The following SORCS2 variants were observed in gnomAD, a reference collection of about 807,000 sequenced individuals.
SORCS2 encodes VPS10 domain-containing receptor SorCS2.
A neutral mutation model predicts 141.6 loss-of-function variants in SORCS2; 100 were observed. The ratio of observed to expected loss-of-function variants is 0.71; its 90% CI spans 0.60 to 0.83. SORCS2 has a LOEUF of 0.83. Among genes scored for constraint, SORCS2 ranks in the 40% least tolerant of loss-of-function variants. SORCS2 has a pLI of 0.00. For missense variants in SORCS2, 1,646 were observed against 1,560.2 expected (o/e 1.05, Z -0.93); for synonymous variants, 789 against 676.9 (o/e 1.17, Z -2.57).
intron 1 of SORCS2, among the ~76,000 whole-genome samples, chr4:7,367,292 G>A (rs1246265523): frequency 2.0e-5 from 3 of 152,194 alleles, no homozygotes; most frequent in Non-Finnish European, 2.9e-5. Flanking sequence ...CCAGAGAATG[G>A]TGACCCGGCA....
intron 2 of SORCS2, among the ~76,000 whole-genome samples, chr4:7,487,329 G>A (rs1731050293): frequency 6.6e-6 from 1 of 152,192 alleles, no homozygotes; most frequent in African/African-American, 2.4e-5. Flanking sequence ...ATCCTGAAGT[G>A]GGCTGTGTTA....
At chr4:7,576,960 G>T (rs75513166) in intron 3 of SORCS2, among the ~76,000 whole-genome samples, 1,713 of 152,318 alleles carry the variant, frequency 0.011, 14 homozygotes, top group Middle Eastern at 0.024. Flanking sequence ...AATGAGCAGG[G>T]TGGATATTCA....
chr4:7,499,829 G>A (rs577268693), intron 2 of SORCS2, among the ~76,000 whole-genome samples: 6 of 152,302 alleles, frequency 3.9e-5, no homozygotes, highest in African/African-American at 1.4e-4. Flanking sequence ...GCAAACAATC[G>A]GGGACCGAGC....
At position 7,233,673 on chromosome 4, in the gene SORCS2, C is replaced by T. The variant is rs116593643; in HGVS notation, c.480+40547C>T. Reference sequence around the variant, plus strand: ...CCCAGGTAATACTGGCCTGGTCCCCCGTCTGATGCTGCAGGGTGGACTTCT... The same window carrying T: ...CCCAGGTAATACTGGCCTGGTCCCCTGTCTGATGCTGCAGGGTGGACTTCT... On this transcript the variant is annotated intron_variant, in intron 1 of 26. Coordinates refer to ENST00000507866, the MANE Select transcript of SORCS2 (RefSeq NM_020777.3). This position sits in a 1 kb window ranked among gnomAD's most constrained non-coding sequence, Gnocchi z 4.5. 1.6e-3 allele frequency among the ~76,000 whole-genome samples: 245 copies of T among 152,274 alleles called. No individual in the cohort carries two copies. The highest frequency in any genetic ancestry group is 2.5e-3 in the Non-Finnish European group (171 of 68,022).
At chr4:7,735,749 C>T (rs960122911) in intron 25 of SORCS2, among the ~76,000 whole-genome samples, 10 of 152,170 alleles carry the variant, frequency 6.6e-5, no homozygotes, top group Admixed American at 2.6e-4. Context: ...GCATCTTCTT[C>T]CCCCAAAGCT....
intron 14 of SORCS2, 57 bp from the exon 15 acceptor site, chr4:7,712,676 T>C: frequency 3.7e-6 from 6 of 1,609,806 alleles, no homozygotes; most frequent in East Asian, 2.2e-5. Flanking sequence ...ATTTGCACAG[T>C]AGGACAAGGC....
rs141990776 is a variant in SORCS2, at chr4:7,333,898, A to C, written c.481-62390A>C. Among the ~76,000 whole-genome samples the C allele has an allele frequency of 5.3e-3, 805 of 152,266 alleles. 30 individuals are homozygous for C. The highest frequency in any genetic ancestry group is 0.042 in the Admixed American group (640 of 15,298). The stretch of plus-strand genomic sequence containing the variant: ...TCACAGTGGGAGCTGGCTGTTGACT[A>C]AGAAGGCAGGAAGAAGGCAGGGCTG... On this transcript the variant is annotated intron_variant, in intron 1 of 26. Transcript: ENST00000507866.
chr4:7,537,305 C>A (rs1267631865), intron 3 of SORCS2, among the ~76,000 whole-genome samples: 6 of 152,174 alleles, frequency 3.9e-5, no homozygotes, highest in Admixed American at 2.6e-4. Context: ...TCCTGGTCTC[C>A]CAGGGCGATC....
chr4:7,718,282 A>C (rs1291093526), intron 18 of SORCS2, 99 bp downstream of exon 18: 1 of 1,405,046 alleles, frequency 7.1e-7, no homozygotes, highest in Non-Finnish European at 9.6e-7. Flanking sequence ...CTCCACCTAG[A>C]AGTGGCTCAG....
chr4:7,535,642 G>A (rs544005348), intron 3 of SORCS2, among the ~76,000 whole-genome samples: 7 of 152,226 alleles, frequency 4.6e-5, no homozygotes, highest in South Asian at 2.1e-4. Flanking sequence ...GTGACCCACC[G>A]TTATCCTTAG....
At position 7,506,211 on chromosome 4, in the gene SORCS2, T is replaced by C. The variant is rs78142444; in HGVS notation, c.549-25319T>C. On this transcript the variant is annotated intron_variant, in intron 2 of 26. Transcript: ENST00000507866. ...AACAGCGCGTGAGAAAAGGAACTTCTTTTAGTCTGAGCGGGCCTCCTCTGC... is the reference window on the plus strand; with the variant it reads ...AACAGCGCGTGAGAAAAGGAACTTCCTTTAGTCTGAGCGGGCCTCCTCTGC... 5.3e-3 allele frequency among the ~76,000 whole-genome samples: 797 copies of C among 150,780 alleles called. 4 individuals carry two copies. The highest frequency in any genetic ancestry group is 0.019 in the African/African-American group (755 of 40,192).
At chr4:7,590,017 A>C (rs1420616589) in intron 3 of SORCS2, among the ~76,000 whole-genome samples, 2 of 152,148 alleles carry the variant, frequency 1.3e-5, no homozygotes, top group Non-Finnish European at 2.9e-5. Flanking sequence ...AAAGGGCTGG[A>C]GGATGCATTT....
At chr4:7,657,477 AGGT>A (rs2108906355) in intron 5 of SORCS2, among the ~76,000 whole-genome samples, 1 of 130,592 alleles carries the variant, frequency 7.7e-6, no homozygotes, top group African/African-American at 2.5e-5. Context: ...ATAAATGAGT[AGGT>A]GAGTCAATGA....
intron 3 of SORCS2, among the ~76,000 whole-genome samples, chr4:7,532,526 A>G (rs767433651): frequency 2.6e-5 from 4 of 152,246 alleles, no homozygotes; most frequent in Non-Finnish European, 5.9e-5. Flanking sequence ...GAGAATGTCC[A>G]TGAATCAACA....
At chr4:7,586,915 C>T (rs1007512210) in intron 3 of SORCS2, among the ~76,000 whole-genome samples, 2 of 152,090 alleles carry the variant, frequency 1.3e-5, no homozygotes, top group African/African-American at 4.8e-5. Flanking sequence ...GCATCTTTCA[C>T]TGAGTCTTTG....
At chr4:7,439,722 T>C (rs1203634532) in intron 2 of SORCS2, among the ~76,000 whole-genome samples, 1 of 152,236 alleles carries the variant, frequency 6.6e-6, no homozygotes, top group East Asian at 1.9e-4. Flanking sequence ...TTCCCACAAC[T>C]GTAGGCTGTT....
At chr4:7,592,315 C>T (rs1716974568) in intron 3 of SORCS2, among the ~76,000 whole-genome samples, 1 of 152,096 alleles carries the variant, frequency 6.6e-6, no homozygotes, top group Admixed American at 6.5e-5. Context: ...ACCAAATAGG[C>T]CGGTTCTACA....
chr4:7,417,653 G>A lies in SORCS2; in HGVS notation c.548+21298G>A, dbSNP rs560449934. On this transcript the variant is annotated intron_variant, in intron 2 of 26. Transcript: ENST00000507866. Reference sequence around the variant, plus strand: ...AGTGACTGTGGGACCCGCTCTTCCCGGAACGTGGCCCTTGGCCCCTATCAC... The same window carrying A: ...AGTGACTGTGGGACCCGCTCTTCCCAGAACGTGGCCCTTGGCCCCTATCAC... 8.5e-5 allele frequency among the ~76,000 whole-genome samples: 13 copies of A among 152,230 alleles called. No individual in the cohort carries two copies. In the South Asian group the frequency reaches 1.2e-3, roughly 15 times the overall value.
chr4:7,509,343 C>T (rs1317945708), intron 2 of SORCS2, among the ~76,000 whole-genome samples: 2 of 152,094 alleles, frequency 1.3e-5, no homozygotes, highest in Non-Finnish European at 2.9e-5. Context: ...AGCCTCTCTT[C>T]CCCCTGCTGG....
Sources: gnomAD v4.1 joint callset for allele counts (sites outside exome capture counted in the v4.1 genomes callset) on GRCh38, gnomAD v4.1.1 for gene constraint, Gnocchi (gnomAD v3.1) non-coding constraint, MANE v1.5 for transcripts, NCBI Gene and HGNC (gene_info 2026-07-23, HGNC 2026-07-21) for gene names.